Variants in GMPR observed in about 807,000 individuals in gnomAD.
GMPR encodes the protein guanosine monophosphate reductase.
In GMPR, 31 loss-of-function variants were observed where a neutral mutation model predicts 38.4. The ratio of observed to expected loss-of-function variants is 0.81; its 90% CI spans 0.61 to 1.09. The LOEUF (loss-of-function observed/expected upper bound fraction) is 1.09. GMPR is among the 50% of genes least tolerant of loss of function. The pLI, the probability that GMPR is intolerant of heterozygous loss-of-function variation, is 0.00. For missense variants in GMPR, 468 were observed against 453.7 expected (o/e 1.03, Z -0.29); for synonymous variants, 162 against 173.3 (o/e 0.93, Z 0.51).
intron 3 of GMPR, among the ~76,000 whole-genome samples, chr6:16,253,367 G>A (rs1405872204): frequency 6.6e-6 from 1 of 152,194 alleles, no homozygotes; most frequent in African/African-American, 2.4e-5. Context: ...AGATCTAATT[G>A]GCTAATGGTT....
intron 4 of GMPR, among the ~76,000 whole-genome samples, chr6:16,256,215 C>CA (rs558494585): frequency 0.12 from 13,692 of 112,134 alleles, 931 homozygotes; most frequent in African/African-American, 0.23. Flanking sequence ...GACTCCGTCT[C>CA]AAAAAAAAAA....
chr6:16,281,470 C>CT (rs1194441222), intron 6 of GMPR, among the ~76,000 whole-genome samples: 4 of 151,792 alleles, frequency 2.6e-5, no homozygotes, highest in African/African-American at 7.2e-5. Context: ...CTCTGAGGTT[C>CT]TTTTTTTTCT....
At chr6:16,289,837 G>T (rs1159062768) in intron 7 of GMPR, 3 of 114,888 alleles carry the variant, frequency 2.6e-5, no homozygotes, top group Non-Finnish European at 5.1e-5. Flanking sequence ...TGCTTTCTAA[G>T]ATACTGCCCA....
At chr6:16,244,000 A>G (rs1758708041) in intron 1 of GMPR, among the ~76,000 whole-genome samples, 1 of 152,062 alleles carries the variant, frequency 6.6e-6, no homozygotes, top group Admixed American at 6.5e-5. Flanking sequence ...CTGTGCACAC[A>G]TAAGGATTTG....
rs892996250 is a variant in GMPR, at chr6:16,238,693, C to T, written c.-1C>T. 2 of 1,401,230 alleles carry T rather than the reference C, an allele frequency of 1.4e-6. No homozygotes were observed. The highest frequency in any genetic ancestry group is 1.5e-5 in the African/African-American group (1 of 67,448). The allele number at this position is 1,401,230 out of a possible 1,614,324, so 86.8% of individuals were successfully genotyped here. Reference sequence around the variant, plus strand: ...CCGCCGCAGCCAGGAGCCGCTGCACCATGCCCCGCATAGATGCGGACCTCA... The same window carrying T: ...CCGCCGCAGCCAGGAGCCGCTGCACTATGCCCCGCATAGATGCGGACCTCA... On this transcript the variant is annotated 5_prime_UTR_variant, in exon 1 of 9. Transcript: ENST00000259727.
chr6:16,289,121 G>A (rs531501420), intron 7 of GMPR, among the ~76,000 whole-genome samples: 3 of 152,296 alleles, frequency 2.0e-5, no homozygotes, highest in South Asian at 2.1e-4. Context: ...TCGGTCTTTA[G>A]GCCCACACTG....
intron 6 of GMPR, among the ~76,000 whole-genome samples, chr6:16,282,052 G>C (rs1373830119): frequency 6.6e-6 from 1 of 152,180 alleles, no homozygotes; most frequent in African/African-American, 2.4e-5. Flanking sequence ...AAACCCACCA[G>C]GTGTTTTGGA....
At chr6:16,246,771 T>A (rs1758765625) in intron 1 of GMPR, 71 bp from the exon 2 acceptor site, 2 of 1,482,636 alleles carry the variant, frequency 1.3e-6, no homozygotes, top group Admixed American at 3.6e-5. Context: ...ACTCCAGAAA[T>A]TCTGCACATT....
At chr6:16,273,811 ATTTT>A (rs772416416) in intron 4 of GMPR, among the ~76,000 whole-genome samples, 2 of 112,830 alleles carry the variant, frequency 1.8e-5, no homozygotes, top group African/African-American at 3.7e-5. Context: ...TCCCTCTAAG[ATTTT>A]TTTTTTTTTT....
chr6:16,286,643 G>T (rs764643862), intron 7 of GMPR, among the ~76,000 whole-genome samples: 1 of 152,042 alleles, frequency 6.6e-6, no homozygotes, highest in Non-Finnish European at 1.5e-5. Flanking sequence ...GGGTGCGGTG[G>T]CTCACACCTG....
chr6:16,269,116 A>G (rs1360970972), intron 4 of GMPR, among the ~76,000 whole-genome samples: 3 of 152,230 alleles, frequency 2.0e-5, no homozygotes, highest in Non-Finnish European at 2.9e-5. Context: ...TAAAGGAGCA[A>G]TATACAGAAA....
At chr6:16,264,878 G>T (rs972367085) in intron 4 of GMPR, among the ~76,000 whole-genome samples, 6 of 152,194 alleles carry the variant, frequency 3.9e-5, no homozygotes, top group African/African-American at 1.2e-4. Context: ...CTTAGCTTGG[G>T]CTCAGAGGCC....
chr6:16,283,921 C>T (rs748901532), intron 6 of GMPR, among the ~76,000 whole-genome samples: 4 of 152,116 alleles, frequency 2.6e-5, no homozygotes, highest in Admixed American at 6.5e-5. Flanking sequence ...ATTGGCAGGG[C>T]AAGCGAAGGG....
intron 8 of GMPR, among the ~76,000 whole-genome samples, chr6:16,292,859 G>T (rs930282530): frequency 1.3e-5 from 2 of 152,114 alleles, no homozygotes; most frequent in Non-Finnish European, 2.9e-5. Flanking sequence ...GCAGGGTTTA[G>T]GTATAATAGA....
chr6:16,285,028 AAAAACAAAAAAAAAAAAACAG>A (rs1759649961), intron 6 of GMPR, among the ~76,000 whole-genome samples: 1 of 132,052 alleles, frequency 7.6e-6, no homozygotes, highest in African/African-American at 3.2e-5. Flanking sequence ...AAAAAAAAAA[AAAAACAAAAAAAAAAAAACAG>A]AAAAGAAAAG....
chr6:16,277,845 A>G (rs1759502068), intron 5 of GMPR, among the ~76,000 whole-genome samples: 2 of 152,108 alleles, frequency 1.3e-5, no homozygotes, highest in Admixed American at 6.5e-5. Context: ...TTGTGTACAG[A>G]GTCCCTAAGG....
chr6:16,285,356 A>G (rs1050737366), intron 6 of GMPR, among the ~76,000 whole-genome samples: 5 of 152,262 alleles, frequency 3.3e-5, no homozygotes, highest in African/African-American at 1.2e-4. Flanking sequence ...CTTGTACTAA[A>G]TAAATCTCAC....
intron 2 of GMPR, among the ~76,000 whole-genome samples, chr6:16,250,075 A>G (rs1474554858): frequency 6.6e-6 from 1 of 152,356 alleles, no homozygotes; most frequent in South Asian, 2.1e-4. Context: ...GGTATTGTCT[A>G]ACCAGATTAG....
chr6:16,287,318 T>C (rs1259922515), intron 7 of GMPR, among the ~76,000 whole-genome samples: 3 of 152,236 alleles, frequency 2.0e-5, no homozygotes, highest in Non-Finnish European at 4.4e-5. Context: ...TTGGACTCTT[T>C]TGTGTTGCCT....
Sources: gnomAD v4.1 joint callset for allele counts (sites outside exome capture counted in the v4.1 genomes callset) on GRCh38, gnomAD v4.1.1 for gene constraint, MANE v1.5 for transcripts, NCBI Gene and HGNC (gene_info 2026-07-23, HGNC 2026-07-21) for gene names.